PMFBP1: variants seen among roughly 807,000 people sequenced by gnomAD.
The protein encoded by PMFBP1 is polyamine modulated factor 1 binding protein 1, also known as polyamine-modulated factor 1-binding protein 1.
Under a neutral mutation model 137.8 loss-of-function variants are expected in PMFBP1, and 131 were observed. The ratio of observed to expected loss-of-function variants is 0.95; its 90% CI spans 0.82 to 1.10. The LOEUF (loss-of-function observed/expected upper bound fraction) is 1.10, where lower values mean the gene tolerates loss of function less well. Ranked by LOEUF, PMFBP1 falls within the 50% of genes least tolerant of loss-of-function variation. PMFBP1 has a pLI of 0.00. For missense variants in PMFBP1, 1,199 were observed against 1,175.4 expected, an observed-to-expected ratio of 1.02 and a Z score of -0.29; for synonymous variants, 490 against 450.4, an observed-to-expected ratio of 1.09 and a Z score of -1.11.
the PMFBP1 span, among the ~76,000 whole-genome samples, chr16:72,225,787 A>G: frequency 6.6e-6 from 1 of 151,290 alleles, no homozygotes; most frequent in South Asian, 2.1e-4. Flanking sequence ...TTATTTCGAC[A>G]TAATCCTTTT....
At chr16:72,143,377 G>C (rs376897382) in intron 5 of PMFBP1, among the ~76,000 whole-genome samples, 1 of 152,222 alleles carries the variant, frequency 6.6e-6, no homozygotes, top group Non-Finnish European at 1.5e-5. Flanking sequence ...ATCCAAGACA[G>C]TCAAGTGAAA....
chr16:72,213,725 G>A, the PMFBP1 span, among the ~76,000 whole-genome samples: 1 of 152,208 alleles, frequency 6.6e-6, no homozygotes, highest in African/African-American at 2.4e-5. Context: ...GGGACAATTT[G>A]TCACACAGTG....
At chr16:72,238,896 C>T in the PMFBP1 span, among the ~76,000 whole-genome samples, 2 of 151,984 alleles carry the variant, frequency 1.3e-5, no homozygotes, top group South Asian at 4.1e-4. Flanking sequence ...TGGGTAGGGG[C>T]CAGGGATGGT....
chr16:72,162,952 A>G (rs1468677080), intron 3 of PMFBP1, among the ~76,000 whole-genome samples: 1 of 152,260 alleles, frequency 6.6e-6, no homozygotes, highest in Non-Finnish European at 1.5e-5. Context: ...TTCCTGAGGA[A>G]AGCAGTGCTT....
chr16:72,164,838 C>T lies in PMFBP1; in HGVS notation c.91G>A (p.Asp31Asn), dbSNP rs370417430. The T allele has an allele frequency of 9.3e-6, 15 of 1,610,128 alleles. No homozygotes were observed. Among genetic ancestry groups the T allele is most frequent in the African/African-American group, 8.0e-5 (6 of 75,006 alleles). The change falls in exon 3 of 21, where the codon GAT (aspartate) becomes AAT (asparagine). Residue 31 changes from aspartate to asparagine, a missense_variant. Physicochemically the swap from Asp to Asn is conservative, Grantham distance 23. Coordinates refer to ENST00000237353, the MANE Select transcript of PMFBP1 (RefSeq NM_031293.3). ...GTCTTCCTCTGTCTCTTGCAGACAT[C>T]GTGCAGATTCTTGATGTCAAGTTGC... ...SLQLDIKNLH[D>N]VCKRQRKTLQ... is the part of the protein sequence containing the mutation.
chr16:72,133,416 T>A (rs984471664), intron 9 of PMFBP1, among the ~76,000 whole-genome samples: 3 of 152,084 alleles, frequency 2.0e-5, no homozygotes, highest in South Asian at 2.1e-4. Context: ...TGACTTCAAG[T>A]AATCCACCTG....
chr16:72,139,849 T>C (rs1276980070), intron 6 of PMFBP1, among the ~76,000 whole-genome samples: 1 of 152,244 alleles, frequency 6.6e-6, no homozygotes, highest in Non-Finnish European at 1.5e-5. Flanking sequence ...TTTTTGAATT[T>C]GTTGAAAATA....
upstream of PMFBP1, among the ~76,000 whole-genome samples, chr16:72,176,424 A>G (rs1207044636): frequency 6.6e-6 from 1 of 152,144 alleles, no homozygotes; most frequent in African/African-American, 2.4e-5. Context: ...ATGTGCATGC[A>G]CTCATCTAAA....
At chr16:72,238,847 T>C in the PMFBP1 span, among the ~76,000 whole-genome samples, 398 of 152,290 alleles carry the variant, frequency 2.6e-3, 2 homozygotes, top group South Asian at 7.5e-3. Context: ...GACATTTTAA[T>C]TGTCACAGCT....
the PMFBP1 span, among the ~76,000 whole-genome samples, chr16:72,200,210 C>T: frequency 2.6e-5 from 4 of 152,220 alleles, no homozygotes; most frequent in Admixed American, 6.5e-5. Flanking sequence ...TCCTCTGACT[C>T]CTATCAGGGA....
chr16:72,195,364 G>A, the PMFBP1 span, among the ~76,000 whole-genome samples: 2 of 151,938 alleles, frequency 1.3e-5, no homozygotes, highest in African/African-American at 4.8e-5. Flanking sequence ...GAAGTCTGAC[G>A]GCTCTCCCTG....
rs550070785 is a variant in PMFBP1, at chr16:72,126,014, C to T, written c.2207G>A (p.Arg736Gln). ...ITKEAYDALS[R>Q]KSAACQDDLT... The stretch of plus-strand genomic sequence containing the variant: ...GTCATCCTGGCAGGCGGCTGACTTC[C>T]GGGATAATGCATCATAGGCTTCTTT... Residue 736 changes from arginine to glutamine, a missense_variant, in exon 15 of 21, where the codon CGG becomes CAG. Transcript: ENST00000237353. 17 of 1,614,148 alleles carry T rather than the reference C, an allele frequency of 1.1e-5. No individual in the cohort carries two copies. The highest frequency in any genetic ancestry group is 7.7e-5 in the South Asian group (7 of 91,078).
At chr16:72,181,733 TAAG>T (rs972635879), upstream of PMFBP1, among the ~76,000 whole-genome samples, 5 of 152,220 alleles carry the variant, frequency 3.3e-5, no homozygotes, top group African/African-American at 1.2e-4. Flanking sequence ...TAGAAGCATA[TAAG>T]AAGATAGCAT....
At chr16:72,231,037 A>G in the PMFBP1 span, among the ~76,000 whole-genome samples, 1 of 152,200 alleles carries the variant, frequency 6.6e-6, no homozygotes, top group African/African-American at 2.4e-5. Context: ...TGAGAATCAA[A>G]TGAAATATAA....
the PMFBP1 span, chr16:72,224,958 A>C: frequency 6.6e-6 from 1 of 152,188 alleles, no homozygotes; most frequent in Non-Finnish European, 1.5e-5. Context: ...ACTAACAATA[A>C]AATTTATGTG....
chr16:72,154,253 G>A lies in PMFBP1; in HGVS notation c.372C>T (p.Asp124=), dbSNP rs1413519203. ...TGCAGTGATGGTGCAGAAGAACCAGGTCGGAAGTCTGCTTCTCTAGGATGG... is the reference window on the plus strand; with the variant it reads ...TGCAGTGATGGTGCAGAAGAACCAGATCGGAAGTCTGCTTCTCTAGGATGG... The part of the protein sequence containing the change: ...YQSILEKQTS[D]LVLLHHHCKL... The change falls in exon 4 of 21, where the codon GAC becomes GAT. Residue 124 remains aspartate (D), a synonymous_variant. Coordinates refer to ENST00000237353, the MANE Select transcript of PMFBP1 (RefSeq NM_031293.3). 3 of 1,614,130 alleles carry A rather than the reference G, an allele frequency of 1.9e-6. No individual in the cohort carries two copies. Among genetic ancestry groups the A allele is most frequent in the Admixed American group, 1.7e-5 (1 of 60,024 alleles).
intron 5 of PMFBP1, among the ~76,000 whole-genome samples, chr16:72,142,938 A>G (rs1384530833): frequency 6.6e-6 from 1 of 152,232 alleles, no homozygotes; most frequent in African/African-American, 2.4e-5. Flanking sequence ...ATTTCTGAAA[A>G]TAGATGAAAA....
intron 3 of PMFBP1, among the ~76,000 whole-genome samples, chr16:72,159,589 A>C (rs374152788): frequency 2.0e-5 from 3 of 152,222 alleles, no homozygotes; most frequent in Non-Finnish European, 2.9e-5. Flanking sequence ...CACACTATAG[A>C]TATCAATGGG....
intron 12 of PMFBP1, among the ~76,000 whole-genome samples, chr16:72,129,997 C>T (rs1268076629): frequency 1.3e-5 from 2 of 151,836 alleles, no homozygotes; most frequent in Non-Finnish European, 2.9e-5. Flanking sequence ...CAGGAATGTG[C>T]CATTATGCCC....
Sources: allele counts gnomAD v4.1 joint callset (sites outside exome capture counted in the v4.1 genomes callset), GRCh38; gene constraint gnomAD v4.1.1; transcripts MANE v1.5; gene names NCBI Gene and HGNC (gene_info 2026-07-23, HGNC 2026-07-21).